The following SEPTIN8 variants were observed in gnomAD, a reference collection of about 807,000 sequenced individuals.
SEPTIN8 encodes the protein septin 8, also known as septin-8.
Under a neutral mutation model 53.1 loss-of-function variants are expected in SEPTIN8, and 22 were observed. That is an observed-to-expected ratio of 0.41 (90% CI 0.30 to 0.59). The LOEUF is 0.59. SEPTIN8 is among the 20% of genes least tolerant of loss of function. SEPTIN8 has a pLI of 0.24. For synonymous variants in SEPTIN8, 228 were observed against 248.4 expected (o/e 0.92, Z 0.77); for missense variants, 536 against 638.7 (o/e 0.84, Z 1.73).
Position 132,761,007 on chromosome 5 carries a change from G to T in SEPTIN8, c.1096-15C>A. 1 of 1,581,244 alleles carries T rather than the reference G, an allele frequency of 6.3e-7. No homozygotes were observed. Reference sequence around the variant, plus strand: ...TTCTCATGGAGCTGGCATCAGAAAGGGGGCAGAAGATGCGGGGAGCAAGAG... The same window carrying T: ...TTCTCATGGAGCTGGCATCAGAAAGTGGGCAGAAGATGCGGGGAGCAAGAG... On this transcript the variant is annotated splice_polypyrimidine_tract_variant and intron_variant, in intron 8 of 9. Coordinates refer to ENST00000378719, the MANE Select transcript of SEPTIN8 (RefSeq NM_001098811.2). The surrounding 1 kb of genome is among the most constrained non-coding windows in gnomAD (Gnocchi z 5.8).
At position 132,754,326 on chromosome 5, in the gene SEPTIN8, G is replaced by A; in HGVS notation, c.1287-2145C>T. ...GCCATGCTGCTCACAGCTTCCAGTG[G>A]TGGCCGTTGAGTGCCCTCTGCCTCC... On this transcript the variant is annotated intron_variant, in intron 9 of 9. Transcript: ENST00000378719. 5 of 700,294 alleles carry A rather than the reference G, an allele frequency of 7.1e-6. No homozygotes were observed. In the Admixed American group the frequency reaches 8.2e-5, roughly 11 times the overall value. The allele number at this position is 700,294 out of a possible 1,614,324, so 43.4% of individuals were successfully genotyped here. A position where few individuals can be genotyped will look rare whatever the true frequency, so the allele number is the denominator to read the frequency against.
chr5:132,777,274 T>TGGC (rs934842247), upstream of SEPTIN8: 7 of 1,108,210 alleles, frequency 6.3e-6, no homozygotes, highest in African/African-American at 3.3e-5. This position sits in a 1 kb window ranked among gnomAD's most constrained non-coding sequence, Gnocchi z 4.1. Context: ...AAACTCCCCT[T>TGGC]GGCGGCGGCG....
chr5:132,761,566 A>T lies in SEPTIN8; in HGVS notation c.854T>A (p.Met285Lys). The change falls in exon 7 of 10, where the codon ATG (methionine) becomes AAG (lysine). Residue 285 changes from methionine to lysine, a missense_variant. This residue lies in a region of SEPTIN8 where 395 missense variants were observed against 451.8 expected (regional missense o/e 0.87). Coordinates refer to ENST00000378719, the MANE Select transcript of SEPTIN8 (RefSeq NM_001098811.2). The surrounding 1 kb of genome is among the most constrained non-coding windows in gnomAD (Gnocchi z 5.8). ...GTGGGTCTGCTCGCGGAGGTCTTCCATGTTCACCCGGATCAACATCTCCCG... is the reference window on the plus strand; with the variant it reads ...GTGGGTCTGCTCGCGGAGGTCTTCCTTGTTCACCCGGATCAACATCTCCCG... ...KLREMLIRVNMEDLREQTHSR... is the reference protein window; with the variant it reads ...KLREMLIRVNKEDLREQTHSR... 1.2e-6 allele frequency: 2 copies of T among 1,613,978 alleles called. No individual in the cohort carries two copies. The highest frequency in any genetic ancestry group is 1.7e-6 in the Non-Finnish European group (2 of 1,179,982).
rs1755898478 is a variant in SEPTIN8, at chr5:132,761,138, T to G, written c.1090A>C (p.Arg364=). The G allele has an allele frequency of 6.2e-7, 1 of 1,614,084 alleles. No homozygotes were observed. The highest frequency in any genetic ancestry group is 8.5e-7 in the Non-Finnish European group (1 of 1,180,042). The stretch of plus-strand genomic sequence containing the variant: ...GCCCCCAGCCTGGCACATACCTCCC[T>G]TTCCTTCTCCTTCAGCTCCAGCTCT... ...ETELELKEKE[R]ELHEKFEHLK... Residue 364 remains arginine (R), a synonymous_variant, in exon 8 of 10, where the codon AGG becomes CGG. Transcript: ENST00000378719. The surrounding 1 kb of genome is among the most constrained non-coding windows in gnomAD (Gnocchi z 5.8).
At chr5:132,768,646 T>C (rs1258720207) in intron 1 of SEPTIN8, among the ~76,000 whole-genome samples, 1 of 152,298 alleles carries the variant, frequency 6.6e-6, no homozygotes, top group East Asian at 1.9e-4. Context: ...TGCAATTTGG[T>C]GGGTGAGACC....
rs1313299490 is a variant in SEPTIN8, at chr5:132,776,730, C to G, written c.30+378G>C. Among the ~76,000 whole-genome samples, 1 of 152,214 alleles carries G rather than the reference C, an allele frequency of 6.6e-6. No homozygotes were observed. Among genetic ancestry groups the G allele is most frequent in the Non-Finnish European group, 1.5e-5 (1 of 68,028 alleles). On this transcript the variant is annotated intron_variant, in intron 1 of 9. Coordinates refer to ENST00000378719, the MANE Select transcript of SEPTIN8 (RefSeq NM_001098811.2). This position sits in a 1 kb window ranked among gnomAD's most constrained non-coding sequence, Gnocchi z 4.4. The stretch of plus-strand genomic sequence containing the variant: ...CACCTGTGCGGCTAGGACTCTTCCC[C>G]AAGTGTGCAGAAAGAAACACCCTGG...
In SEPTIN8 at chr5:132,751,317, A is replaced by G. The variant is rs1035011309; in HGVS notation, c.*699T>C. The G allele has an allele frequency of 3.7e-5, 9 of 246,458 alleles. No homozygotes were observed. In the Admixed American group the frequency reaches 4.5e-4, roughly 12 times the overall value. The allele number at this position is 246,458 out of a possible 1,614,324, so 15.3% of individuals were successfully genotyped here. A position where few individuals can be genotyped will look rare whatever the true frequency, so the allele number is the denominator to read the frequency against. On this transcript the variant is annotated 3_prime_UTR_variant, in exon 10 of 10. Transcript: ENST00000378719. The stretch of plus-strand genomic sequence containing the variant: ...TCCATTCTATGAATACTGTACATAA[A>G]TATCTGTCTGCTTTTGCTACACTTT...
chr5:132,777,446 G>C, upstream of SEPTIN8: 1 of 991,454 alleles, frequency 1.0e-6, no homozygotes, highest in Non-Finnish European at 1.2e-6. This position sits in a 1 kb window ranked among gnomAD's most constrained non-coding sequence, Gnocchi z 4.1. Flanking sequence ...CTTGTAGTCC[G>C]CGCGTTGGGG....
intron 1 of SEPTIN8, among the ~76,000 whole-genome samples, chr5:132,772,764 A>T (rs996293962): frequency 6.6e-6 from 1 of 152,148 alleles, no homozygotes; most frequent in Non-Finnish European, 1.5e-5. Flanking sequence ...TCACTCCAAC[A>T]CCAGGCAGAA....
intron 1 of SEPTIN8, among the ~76,000 whole-genome samples, chr5:132,766,786 G>A (rs1009490234): frequency 6.6e-6 from 1 of 151,984 alleles, no homozygotes; most frequent in East Asian, 1.9e-4. Flanking sequence ...CCGACAGGGG[G>A]CCCTGACTCC....
chr5:132,767,563 G>A (rs1756728670), intron 1 of SEPTIN8, among the ~76,000 whole-genome samples: 1 of 151,998 alleles, frequency 6.6e-6, no homozygotes, highest in African/African-American at 2.4e-5. Flanking sequence ...TGCAGGTTGG[G>A]GAGGTCAGGT....
rs1294667254 is a variant in SEPTIN8, at chr5:132,761,843, G to A, written c.750C>T (p.Asn250=). 3.7e-6 allele frequency: 6 copies of A among 1,608,730 alleles called. No individual in the cohort carries two copies. In the African/African-American group the frequency reaches 8.0e-5, roughly 22 times the overall value. Residue 250 remains asparagine (N), a synonymous_variant, in exon 6 of 10, where the codon AAC becomes AAT. Coordinates refer to ENST00000378719, the MANE Select transcript of SEPTIN8 (RefSeq NM_001098811.2). The surrounding 1 kb of genome is among the most constrained non-coding windows in gnomAD (Gnocchi z 5.8). ...VGSTEEVKVG[N]KLVRARQYPW... ...GGTACTGCCGTGCTCGGACCAGCTT[G>A]TTCCCCACCTTCACCTCCTCGGTGC...
Position 132,758,700 on chromosome 5 carries a change from T to C in SEPTIN8, c.1286+2102A>G, listed in dbSNP as rs1348128283. On this transcript the variant is annotated intron_variant, in intron 9 of 9. Transcript: ENST00000378719. ...AAGCAAGGCTGTAAACACTGGAGTC[T>C]GTACCGGCTCCCAGTCCGTCCTCAC... 18 of 1,603,828 alleles carry C rather than the reference T, an allele frequency of 1.1e-5. No homozygotes were observed. In the East Asian group the frequency reaches 2.7e-4, roughly 24 times the overall value.
rs1210523077 is a variant in SEPTIN8 at position 132,761,573 on chromosome 5, C to T, written c.847G>A (p.Val283Met). The T allele has an allele frequency of 6.2e-7, 1 of 1,614,024 alleles. No homozygotes were observed. The highest frequency in any genetic ancestry group is 1.1e-5 in the South Asian group (1 of 91,070). ...TGCTCGCGGAGGTCTTCCATGTTCA[C>T]CCGGATCAACATCTCCCGCAGCTTC... ...FVKLREMLIR[V>M]NMEDLREQTH... The change falls in exon 7 of 10, where the codon GTG becomes ATG. Residue 283 changes from valine (V) to methionine (M), a missense_variant. By Grantham distance (21) the Val-to-Met change is conservative. This residue lies in a region of SEPTIN8 where 395 missense variants were observed against 451.8 expected (regional missense o/e 0.87). Transcript: ENST00000378719. This position sits in a 1 kb window ranked among gnomAD's most constrained non-coding sequence, Gnocchi z 5.8.
rs753363219 is a variant in SEPTIN8 at position 132,760,948 on chromosome 5, C to T, written c.1140G>A (p.Glu380=). The T allele has an allele frequency of 6.3e-7, 1 of 1,596,782 alleles. No individual in the cohort carries two copies. The highest frequency in any genetic ancestry group is 1.7e-4 in the Middle Eastern group (1 of 5,792). The change falls in exon 9 of 10, where the codon GAG becomes GAA. Residue 380 remains glutamate (E), a synonymous_variant. Transcript: ENST00000378719. This position sits in a 1 kb window ranked among gnomAD's most constrained non-coding sequence, Gnocchi z 5.2. Reference sequence around the variant, plus strand: ...GGCGCTTTTCCTCCACCTTGCGCTTCTCCTCCTGGTGGACCCGCTTCAGGT... The same window carrying T: ...GGCGCTTTTCCTCCACCTTGCGCTTTTCCTCCTGGTGGACCCGCTTCAGGT... ...FEHLKRVHQE[E]KRKVEEKRRE... is the part of the protein sequence containing the mutation.
intron 9 of SEPTIN8, among the ~76,000 whole-genome samples, chr5:132,759,160 G>A (rs1401066581): frequency 1.3e-5 from 2 of 152,138 alleles, no homozygotes; most frequent in African/African-American, 2.4e-5. Context: ...TGACCAGGGC[G>A]GCAGGAAGGA....
chr5:132,764,180 G>C, intron 3 of SEPTIN8, 44 bp downstream of exon 3: 1 of 1,567,458 alleles, frequency 6.4e-7, no homozygotes, highest in Non-Finnish European at 8.7e-7. Flanking sequence ...CAATGTAGGT[G>C]GGGTGGGAGG....
At chr5:132,765,268 C>T in intron 2 of SEPTIN8, 141 bp downstream of exon 2, 1 of 979,748 alleles carries the variant, frequency 1.0e-6, no homozygotes, top group South Asian at 1.6e-5. Context: ...GCAGAGACAC[C>T]AACCAAATCC....
rs967038210 is a variant in SEPTIN8 at position 132,760,212 on chromosome 5, C to T, written c.1286+590G>A. ...CTCCATCACCACCTGCCAGCCAATA[C>T]GGGCTCCACACCACTGCCCCACAGA... On this transcript the variant is annotated intron_variant, in intron 9 of 9. Coordinates refer to ENST00000378719, the MANE Select transcript of SEPTIN8 (RefSeq NM_001098811.2). The surrounding 1 kb of genome is among the most constrained non-coding windows in gnomAD (Gnocchi z 5.2). Among the ~76,000 whole-genome samples, 1 of 152,060 alleles carries T rather than the reference C, an allele frequency of 6.6e-6. No homozygotes were observed. The highest frequency in any genetic ancestry group is 2.4e-5 in the African/African-American group (1 of 41,394).
Sources: gnomAD v4.1 joint callset for allele counts (sites outside exome capture counted in the v4.1 genomes callset) on GRCh38, gnomAD v4.1.1 for gene constraint, gnomAD v4.1.1 regional missense constraint, Gnocchi (gnomAD v3.1) non-coding constraint, MANE v1.5 for transcripts, NCBI Gene and HGNC (gene_info 2026-07-23, HGNC 2026-07-21) for gene names.